BRWD1: variants seen among roughly 807,000 people sequenced by gnomAD.
The protein encoded by BRWD1 is bromodomain and WD repeat domain containing 1.
In BRWD1, 82 loss-of-function variants were observed where a neutral mutation model predicts 251.2. The observed-to-expected ratio is 0.33, with a 90% CI of 0.27 to 0.39. BRWD1 has a LOEUF of 0.39. Ranked by LOEUF, BRWD1 falls within the 10% of genes least tolerant of loss-of-function variation. BRWD1 has a pLI of 1.00. For missense variants in BRWD1, 2,233 were observed against 2,711.6 expected, an observed-to-expected ratio of 0.82 and a Z score of 3.92; for synonymous variants, 918 against 902.8, an observed-to-expected ratio of 1.02 and a Z score of -0.30.
chr21:39,316,173 A>T (rs1022535385), upstream of BRWD1, among the ~76,000 whole-genome samples: 4 of 152,210 alleles, frequency 2.6e-5, no homozygotes, highest in Admixed American at 1.3e-4. Context: ...AAAAGAAATG[A>T]TGCATGAGGG....
chr21:39,203,438 C>CTTTTTTTTTTTTTTTTTTTT lies in BRWD1; in HGVS notation c.4365-913_4365-894dup, dbSNP rs71330353. On this transcript the variant is annotated intron_variant, in intron 37 of 40. Coordinates refer to ENST00000342449, the MANE Select transcript of BRWD1 (RefSeq NM_033656.4). ...TGGGCAACAGAGCAAGACCCTGGTT[C>CTTTTTTTTTTTTTTTTTTTT]TTTTTTTTTTTTTTTTTTTTTTTTG... is the stretch of plus-strand genomic sequence containing the variant. Among the ~76,000 whole-genome samples, 45 of 67,710 alleles carry CTTTTTTTTTTTTTTTTTTTT rather than the reference C, an allele frequency of 6.6e-4. 6 individuals carry two copies. The highest frequency in any genetic ancestry group is 9.5e-4 in the Non-Finnish European group (33 of 34,560). The allele number at this position is 67,710 out of a possible 152,430, so 44.4% of individuals were successfully genotyped here. A position where few individuals can be genotyped will look rare whatever the true frequency, so the allele number is the denominator to read the frequency against.
chr21:39,213,495 T>C lies in BRWD1; in HGVS notation c.3844A>G (p.Asn1282Asp). ...LSNTSENDEQ[N>D]AEDLDDSDLP... ...AAACTTCATACCAAATCCTCAGCAT[T>C]TTGCTCATCATTTTCAGATGTGTTA... The change falls in exon 33 of 41, where the codon AAT (asparagine) becomes GAT (aspartate). Residue 1282 changes from asparagine (N) to aspartate (D), a missense_variant. Around this residue, in one of 12 missense-constraint regions of BRWD1, gnomAD observed 167 missense variants for 183.2 expected, o/e 0.91. Coordinates refer to ENST00000342449, the MANE Select transcript of BRWD1 (RefSeq NM_033656.4). 1 of 1,611,258 alleles carries C rather than the reference T, an allele frequency of 6.2e-7. No homozygotes were observed. The highest frequency in any genetic ancestry group is 8.5e-7 in the Non-Finnish European group (1 of 1,178,996).
chr21:39,204,523 T>G (rs2032297214), intron 37 of BRWD1, among the ~76,000 whole-genome samples: 1 of 152,238 alleles, frequency 6.6e-6, no homozygotes, highest in Admixed American at 6.5e-5. Context: ...TCATTTTACA[T>G]TTCTTTACAA....
intron 22 of BRWD1, among the ~76,000 whole-genome samples, 166 bp from the exon 23 acceptor site, chr21:39,236,950 G>T (rs2033832165): frequency 6.6e-6 from 1 of 151,942 alleles, no homozygotes; most frequent in African/African-American, 2.4e-5. Flanking sequence ...GTACTGAAGT[G>T]ACTAAAGATC....
chr21:39,191,692 G>A lies in BRWD1; in HGVS notation c.*4567C>T. ...AACTTTTACCCACTGATCAAAAAAG[G>A]TAATTTTTAAAATGATTTACCTTGT... On this transcript the variant is annotated 3_prime_UTR_variant, in exon 41 of 41. Transcript: ENST00000342449. 2 of 985,120 alleles carry A rather than the reference G, an allele frequency of 2.0e-6. No homozygotes were observed. The highest frequency in any genetic ancestry group is 2.4e-6 in the Non-Finnish European group (2 of 829,774). The allele number at this position is 985,120 out of a possible 1,614,324, so 61.0% of individuals were successfully genotyped here.
At chr21:39,264,738 G>A in intron 16 of BRWD1, 53 bp from the exon 17 acceptor site, 9 of 1,500,442 alleles carry the variant, frequency 6.0e-6, no homozygotes, top group Non-Finnish European at 8.1e-6. Context: ...CATTTTAAAG[G>A]AAACAAATAT....
At chr21:39,224,495 T>C (rs1425508786) in intron 28 of BRWD1, 26 bp from the exon 29 acceptor site, 2 of 1,546,576 alleles carry the variant, frequency 1.3e-6, no homozygotes, top group Non-Finnish European at 1.8e-6. Flanking sequence ...AAATCTCTGG[T>C]TAGCCTTTCA....
Position 39,187,334 on chromosome 21 carries a change from C to T in BRWD1, c.*8925G>A. On this transcript the variant is annotated 3_prime_UTR_variant, in exon 41 of 41. Transcript: ENST00000342449. ...GGTACCATTTTTGCTTTCAGAGTTTCACTAGGCATCTGCACTGCATCCTTC... is the reference window on the plus strand; with the variant it reads ...GGTACCATTTTTGCTTTCAGAGTTTTACTAGGCATCTGCACTGCATCCTTC... 1 of 1,613,912 alleles carries T rather than the reference C, an allele frequency of 6.2e-7. No individual in the cohort carries two copies. The highest frequency in any genetic ancestry group is 1.3e-5 in the African/African-American group (1 of 75,016).
chr21:39,279,651 A>G (rs1200843701), intron 9 of BRWD1, among the ~76,000 whole-genome samples: 3 of 76,534 alleles, frequency 3.9e-5, no homozygotes, highest in African/African-American at 1.0e-4. Flanking sequence ...AAAAAAAAAA[A>G]AAAAAGAAAA....
Position 39,206,133 on chromosome 21 carries a change from C to G in BRWD1, c.4339G>C (p.Asp1447His). 2 of 1,611,716 alleles carry G rather than the reference C, an allele frequency of 1.2e-6. No individual in the cohort carries two copies. The highest frequency in any genetic ancestry group is 1.7e-6 in the Non-Finnish European group (2 of 1,179,376). The stretch of plus-strand genomic sequence containing the variant: ...CTGATACTTTTGTTAGGCTGACTGT[C>G]ACCTTTACAATTTTGCCGTTGCTTG... Reference protein sequence around the residue: ...RFKQRQNCKGDSQPNKSIRNL... With the variant: ...RFKQRQNCKGHSQPNKSIRNL... Residue 1447 changes from aspartate (D) to histidine (H), a missense_variant, in exon 37 of 41, where the codon GAC (aspartate) becomes CAC (histidine). Around this residue, in one of 12 missense-constraint regions of BRWD1, gnomAD observed 928 missense variants for 970.0 expected, o/e 0.96. Transcript: ENST00000342449.
intron 28 of BRWD1, 26 bp downstream of exon 28, chr21:39,225,060 T>C (rs779969605): frequency 1.5e-5 from 22 of 1,426,502 alleles, no homozygotes; most frequent in Non-Finnish European, 2.2e-5. Context: ...TACTGGGAAA[T>C]GATTAGTTTT....
chr21:39,192,624 TA>T lies in BRWD1; in HGVS notation c.*3634del. The T allele has an allele frequency of 1.0e-6, 1 of 984,436 alleles. No homozygotes were observed. The highest frequency in any genetic ancestry group is 1.2e-6 in the Non-Finnish European group (1 of 829,130). 61.0% of individuals were successfully genotyped at this position (984,436 alleles called of 1,614,324 possible). A position where few individuals can be genotyped will look rare whatever the true frequency, so the allele number is the denominator to read the frequency against. ...TGACAACTGCAAGATACCTGATAAA[TA>T]AATATATCAACTTACTATTCATGAA... On this transcript the variant is annotated 3_prime_UTR_variant, in exon 41 of 41. Coordinates refer to ENST00000342449, the MANE Select transcript of BRWD1 (RefSeq NM_033656.4).
At position 39,218,523 on chromosome 21, in the gene BRWD1, C is replaced by T. The variant is rs1568880052; in HGVS notation, c.3520G>A (p.Asp1174Asn). Reference protein sequence around the residue: ...EECDRIISGIDQLLNLDIAAA... With the variant: ...EECDRIISGINQLLNLDIAAA... The stretch of plus-strand genomic sequence containing the variant: ...AACTTACCAAGATTCAAAAGTTGAT[C>T]TATACCACTGATAATTCTATCACAT... The change falls in exon 30 of 41, where the codon GAT becomes AAT. Residue 1174 changes from aspartate (D) to asparagine (N), a missense_variant. Coordinates refer to ENST00000342449, the MANE Select transcript of BRWD1 (RefSeq NM_033656.4). The T allele has an allele frequency of 6.3e-7, 1 of 1,597,814 alleles. No individual in the cohort carries two copies. The highest frequency in any genetic ancestry group is 2.2e-5 in the East Asian group (1 of 44,678).
intron 21 of BRWD1, among the ~76,000 whole-genome samples, chr21:39,244,038 T>TA (rs2034093874): frequency 6.6e-6 from 1 of 152,110 alleles, no homozygotes; most frequent in African/African-American, 2.4e-5. Context: ...GATGCTTCGG[T>TA]AAGGCAGGGT....
intron 27 of BRWD1, among the ~76,000 whole-genome samples, chr21:39,227,160 AAAAG>A (rs1799670740): frequency 6.6e-6 from 1 of 152,172 alleles, no homozygotes; most frequent in Admixed American, 6.5e-5. Context: ...TGTGTCCAAA[AAAAG>A]AAGGAAAGAA....
At chr21:39,305,664 A>G (rs908302726) in intron 4 of BRWD1, among the ~76,000 whole-genome samples, 76 of 152,160 alleles carry the variant, frequency 5.0e-4, no homozygotes, top group African/African-American at 1.8e-3. Context: ...AGAGATAGAG[A>G]CCATCCTGGC....
At chr21:39,313,656 G>T, upstream of BRWD1, 1 of 459,340 alleles carries the variant, frequency 2.2e-6, no homozygotes. Context: ...CGCGGGGGAG[G>T]AAGTAGTTCC....
At chr21:39,202,621 TAG>T in intron 37 of BRWD1, 76 bp from the exon 38 acceptor site, 1 of 953,916 alleles carries the variant, frequency 1.0e-6, no homozygotes, top group Non-Finnish European at 1.6e-6. Flanking sequence ...AATGACTAAA[TAG>T]AAGTATATCA....
Position 39,197,115 on chromosome 21 carries a change from C to A in BRWD1, c.5954G>T (p.Cys1985Phe). 6.2e-7 allele frequency: 1 copy of A among 1,614,144 alleles called. No homozygotes were observed. Among genetic ancestry groups the A allele is most frequent in the South Asian group, 1.1e-5 (1 of 91,084 alleles). ...KLSDCEGSVH[C>F]EVPSEQYACE... ...GGCATACTGTTCACTTGGTACTTCACAATGTACACTTCCTTCACAATCACT... is the reference window on the plus strand; with the variant it reads ...GGCATACTGTTCACTTGGTACTTCAAAATGTACACTTCCTTCACAATCACT... Residue 1985 changes from cysteine (C) to phenylalanine (F), a missense_variant, in exon 41 of 41, where the codon TGT (cysteine) becomes TTT (phenylalanine). Around this residue, in one of 12 missense-constraint regions of BRWD1, gnomAD observed 928 missense variants for 970.0 expected, o/e 0.96. Coordinates refer to ENST00000342449, the MANE Select transcript of BRWD1 (RefSeq NM_033656.4).
Sources: allele counts gnomAD v4.1 joint callset (sites outside exome capture counted in the v4.1 genomes callset), GRCh38; gene constraint gnomAD v4.1.1; regional missense constraint gnomAD v4.1.1; transcripts MANE v1.5; gene names NCBI Gene and HGNC (gene_info 2026-07-23, HGNC 2026-07-21).